The following OCA2 variants were observed in gnomAD, a reference collection of about 807,000 sequenced individuals.
The protein encoded by OCA2 is OCA2 melanosomal transmembrane protein.
Under a neutral mutation model 100.2 loss-of-function variants are expected in OCA2, and 77 were observed. The observed-to-expected ratio is 0.77, with a 90% CI of 0.64 to 0.93. OCA2 has a LOEUF of 0.93. Among genes scored for constraint, OCA2 ranks in the 40% least tolerant of loss-of-function variants. The pLI is 0.00. For synonymous variants in OCA2, 432 were observed against 439.2 expected (o/e 0.98, Z 0.21); for missense variants, 1,062 against 1,089.1 (o/e 0.98, Z 0.35).
chr15:27,894,781 G>A (rs569078073), intron 19 of OCA2, among the ~76,000 whole-genome samples: 3 of 152,214 alleles, frequency 2.0e-5, no homozygotes, highest in South Asian at 2.1e-4. Flanking sequence ...TGATTGTGAC[G>A]TACACCTCTG....
chr15:28,093,253 C>G (rs1189225693), intron 1 of OCA2, among the ~76,000 whole-genome samples: 1 of 151,956 alleles, frequency 6.6e-6, no homozygotes, highest in African/African-American at 2.4e-5. Context: ...GTAACCTCGC[C>G]TCTACTAAAA....
At chr15:28,079,650 G>A (rs897201841) in intron 2 of OCA2, among the ~76,000 whole-genome samples, 3 of 152,176 alleles carry the variant, frequency 2.0e-5, no homozygotes, top group Admixed American at 1.3e-4. Context: ...GAGAAGCTCC[G>A]CATGGGAGGT....
At chr15:27,749,722 AAC>A in the OCA2 span, among the ~76,000 whole-genome samples, 674 of 152,312 alleles carry the variant, frequency 4.4e-3, 4 homozygotes, top group Middle Eastern at 0.017. Context: ...TGAAATTTAA[AAC>A]ACAGTACCTT....
At chr15:27,762,088 G>A (rs964764569) in intron 23 of OCA2, among the ~76,000 whole-genome samples, 19 of 152,104 alleles carry the variant, frequency 1.2e-4, no homozygotes, top group South Asian at 4.1e-4. Context: ...GTGCAGTTTC[G>A]TAACATGGAC....
chr15:27,771,337 T>C (rs952955495), intron 23 of OCA2, among the ~76,000 whole-genome samples: 4 of 147,340 alleles, frequency 2.7e-5, no homozygotes, highest in African/African-American at 1.0e-4. Context: ...GGCGGCGCTA[T>C]AGAGAGGACG....
chr15:27,770,365 T>C (rs1255304302), intron 23 of OCA2, among the ~76,000 whole-genome samples: 1 of 152,142 alleles, frequency 6.6e-6, no homozygotes, highest in Non-Finnish European at 1.5e-5. Flanking sequence ...GTGCGCCCGG[T>C]TTCTCAGACC....
chr15:27,731,533 G>T, the OCA2 span, among the ~76,000 whole-genome samples: 2 of 152,240 alleles, frequency 1.3e-5, no homozygotes, highest in Admixed American at 6.5e-5. Context: ...TGAATACATT[G>T]TGATGTTAAT....
intron 1 of OCA2, among the ~76,000 whole-genome samples, chr15:28,094,882 C>G (rs890521235): frequency 6.6e-6 from 1 of 152,252 alleles, no homozygotes; most frequent in Non-Finnish European, 1.5e-5. Context: ...GGCGACGGCA[C>G]CGGTGCCAGG....
At chr15:27,962,447 C>T (rs1440254996) in intron 15 of OCA2, among the ~76,000 whole-genome samples, 2 of 152,154 alleles carry the variant, frequency 1.3e-5, no homozygotes, top group South Asian at 2.1e-4. Context: ...AAGAAAGTGC[C>T]GTGTGGGATG....
chr15:28,042,979 G>T (rs530367097), intron 2 of OCA2, among the ~76,000 whole-genome samples: 1 of 152,274 alleles, frequency 6.6e-6, no homozygotes, highest in South Asian at 2.1e-4. Context: ...TACAGAGGGT[G>T]CAAATTAATA....
the OCA2 span, among the ~76,000 whole-genome samples, chr15:27,721,217 T>C: frequency 6.6e-6 from 1 of 152,148 alleles, no homozygotes; most frequent in Non-Finnish European, 1.5e-5. Flanking sequence ...AATAACGTAA[T>C]TTGCAGCCAG....
chr15:28,069,124 T>C (rs554262517), intron 2 of OCA2, among the ~76,000 whole-genome samples: 1 of 151,914 alleles, frequency 6.6e-6, no homozygotes, highest in African/African-American at 2.4e-5. Context: ...GTAATAGCCA[T>C]CCAAACAAGA....
chr15:28,058,814 G>A (rs764346263), intron 2 of OCA2, among the ~76,000 whole-genome samples: 4 of 152,194 alleles, frequency 2.6e-5, no homozygotes, highest in South Asian at 2.1e-4. Flanking sequence ...GGTAATAAAC[G>A]TAGCATCCCA....
chr15:28,032,751 C>T (rs2042943524), intron 2 of OCA2, among the ~76,000 whole-genome samples: 1 of 149,622 alleles, frequency 6.7e-6, no homozygotes, highest in Non-Finnish European at 1.5e-5. Flanking sequence ...CGAGATTGCA[C>T]CACTGCACTC....
At chr15:27,838,771 C>T (rs1190178736) in intron 23 of OCA2, among the ~76,000 whole-genome samples, 1 of 152,148 alleles carries the variant, frequency 6.6e-6, no homozygotes, top group African/African-American at 2.4e-5. Flanking sequence ...ACGTGTGAAC[C>T]AAGGGTGTAT....
rs192001878 is a variant in OCA2, at chr15:28,024,111, G to A, written c.573+734C>T. 3.3e-4 allele frequency among the ~76,000 whole-genome samples: 50 copies of A among 152,286 alleles called. 1 individual carries two copies. The East Asian group carries it at 7.9e-3, about 24-fold the overall frequency. On this transcript the variant is annotated intron_variant, in intron 5 of 23. Transcript: ENST00000354638. ...CAGTGGGACCTGTGACTGTCGCCTC[G>A]GAGGGCACAGAGGTGTCTCTGCAGC...
At chr15:27,991,101 T>C (rs1204982487) in intron 9 of OCA2, among the ~76,000 whole-genome samples, 1 of 152,234 alleles carries the variant, frequency 6.6e-6, no homozygotes, top group Non-Finnish European at 1.5e-5. Flanking sequence ...CTTTTCTATT[T>C]GATTATAATT....
chr15:27,933,955 C>T (rs1370088304), intron 18 of OCA2, among the ~76,000 whole-genome samples: 2 of 152,004 alleles, frequency 1.3e-5, no homozygotes, highest in African/African-American at 4.8e-5. Flanking sequence ...GTGTTATATA[C>T]ATATCACATA....
At chr15:27,792,358 G>A (rs2033125977) in intron 23 of OCA2, among the ~76,000 whole-genome samples, 1 of 152,014 alleles carries the variant, frequency 6.6e-6, no homozygotes. Flanking sequence ...CATTGAACAA[G>A]GCTGGCCACT....
Sources: allele counts gnomAD v4.1 joint callset (sites outside exome capture counted in the v4.1 genomes callset), GRCh38; gene constraint gnomAD v4.1.1; transcripts MANE v1.5; gene names NCBI Gene and HGNC (gene_info 2026-07-23, HGNC 2026-07-21).